BLOC1S3: variants seen among roughly 807,000 people sequenced by gnomAD.
BLOC1S3 encodes the protein biogenesis of lysosome-related organelles complex 1 subunit 3.
Under a neutral mutation model 9.1 loss-of-function variants are expected in BLOC1S3, and 7 were observed. The observed-to-expected ratio is 0.77, with a 90% confidence interval of 0.44 to 1.45. The LOEUF (loss-of-function observed/expected upper bound fraction) is 1.45, where lower values mean the gene tolerates loss of function less well. Ranked by LOEUF, BLOC1S3 falls within the 40% of genes most tolerant of loss-of-function variation. The pLI is 0.01. For synonymous variants in BLOC1S3, 145 were observed against 158.4 expected, an observed-to-expected ratio of 0.92 and a Z score of 0.64; for missense variants, 307 against 315.2, an observed-to-expected ratio of 0.97 and a Z score of 0.20.
intron 3 of BLOC1S3, among the ~76,000 whole-genome samples, chr19:45,208,409 C>G (rs1969743790): frequency 6.6e-6 from 1 of 151,928 alleles, no homozygotes; most frequent in Admixed American, 6.6e-5. Context: ...GACTTTGAGA[C>G]CAGCCTAGCC....
At chr19:45,216,032 G>A (rs375381519) in intron 3 of BLOC1S3, 17 of 1,607,558 alleles carry the variant, frequency 1.1e-5, no homozygotes, top group East Asian at 4.5e-5. Flanking sequence ...AGGAGACCTC[G>A]GCCAGGCACG....
chr19:45,215,955 G>A (rs766683425), intron 3 of BLOC1S3: 8 of 1,431,820 alleles, frequency 5.6e-6, no homozygotes, highest in East Asian at 2.4e-5. Flanking sequence ...GGAAACGGCC[G>A]TCAGACACGC....
At chr19:45,198,345 G>A (rs1057067722) in intron 2 of BLOC1S3, among the ~76,000 whole-genome samples, 1 of 152,206 alleles carries the variant, frequency 6.6e-6, no homozygotes, top group African/African-American at 2.4e-5. Flanking sequence ...GCTCTGGAGT[G>A]CAGTGGTGCG....
chr19:45,192,694 T>C (rs1969615199), intron 2 of BLOC1S3, among the ~76,000 whole-genome samples: 1 of 152,186 alleles, frequency 6.6e-6, no homozygotes, highest in African/African-American at 2.4e-5. Context: ...CTGGCCCAGA[T>C]GTTTCTAGAA....
At chr19:45,211,868 A>T (rs916635408) in intron 3 of BLOC1S3, among the ~76,000 whole-genome samples, 14 of 151,808 alleles carry the variant, frequency 9.2e-5, no homozygotes, top group African/African-American at 3.1e-4. Context: ...CGGGCTGTCC[A>T]GCCCAGGCCG....
intron 3 of BLOC1S3, among the ~76,000 whole-genome samples, chr19:45,203,815 C>T (rs1969708516): frequency 6.6e-6 from 1 of 152,138 alleles, no homozygotes; most frequent in East Asian, 1.9e-4. Flanking sequence ...CAGATTCTCT[C>T]TCCTTGCCAT....
chr19:45,199,715 GTTCTC>G (rs1330259725), intron 2 of BLOC1S3, among the ~76,000 whole-genome samples: 2 of 150,030 alleles, frequency 1.3e-5, no homozygotes, highest in Admixed American at 6.7e-5. Flanking sequence ...CTTCTCTTCT[GTTCTC>G]TTCTCTTCTT....
intron 3 of BLOC1S3, among the ~76,000 whole-genome samples, chr19:45,210,289 CTTTTTTTTTTTTT>C (rs71173125): frequency 9.4e-5 from 7 of 74,422 alleles, no homozygotes; most frequent in Non-Finnish European, 1.8e-4. Context: ...ACTATTTTAA[CTTTTTTTTTTTTT>C]TTTTTTTTTT....
chr19:45,216,299 G>T, intron 3 of BLOC1S3: 1 of 1,450,098 alleles, frequency 6.9e-7, no homozygotes, highest in Non-Finnish European at 9.2e-7. Flanking sequence ...GCAGAAACCA[G>T]GGGTGGTGGC....
chr19:45,183,623 CTTTTT>C (rs57651816), downstream of BLOC1S3, among the ~76,000 whole-genome samples: 11 of 105,110 alleles, frequency 1.0e-4, no homozygotes, highest in South Asian at 3.2e-4. Context: ...CTTTTCTTTT[CTTTTT>C]TTTTTTTTTT....
intron 3 of BLOC1S3, among the ~76,000 whole-genome samples, chr19:45,204,668 C>T (rs1410509136): frequency 6.6e-6 from 1 of 152,168 alleles, no homozygotes; most frequent in Non-Finnish European, 1.5e-5. Context: ...ATCTCTCTCT[C>T]CATGCTGCCT....
intron 2 of BLOC1S3, among the ~76,000 whole-genome samples, chr19:45,199,337 G>A (rs149837829): frequency 1.1e-5 from 1 of 92,876 alleles, no homozygotes; most frequent in South Asian, 3.8e-4. Context: ...TTTTTTTTGA[G>A]ATGGAGTCTT....
At chr19:45,203,114 T>C (rs1969703299) in intron 3 of BLOC1S3, among the ~76,000 whole-genome samples, 1 of 151,834 alleles carries the variant, frequency 6.6e-6, no homozygotes, top group South Asian at 2.1e-4. Context: ...TGCCTGGGGT[T>C]TGGGGCTCGG....
In BLOC1S3 at chr19:45,179,229, C is replaced by T; in HGVS notation, c.-9-59C>T. 7.0e-7 allele frequency: 1 copy of T among 1,433,768 alleles called. No homozygotes were observed. The highest frequency in any genetic ancestry group is 1.4e-5 in the South Asian group (1 of 71,080). The allele number at this position is 1,433,768 out of a possible 1,614,324, so 88.8% of individuals were successfully genotyped here. The stretch of plus-strand genomic sequence containing the variant: ...GAAGGGGCTGGGAATCCAGGACCTG[C>T]GCCTTTTACCCACCGCGGCGCCGGT... On this transcript the variant is annotated intron_variant, in intron 1 of 1. Coordinates refer to ENST00000433642, the MANE Select transcript of BLOC1S3 (RefSeq NM_212550.5). This position sits in a 1 kb window ranked among gnomAD's most constrained non-coding sequence, Gnocchi z 4.6.
intron 3 of BLOC1S3, among the ~76,000 whole-genome samples, chr19:45,211,653 C>A (rs1353978914): frequency 6.7e-6 from 1 of 148,464 alleles, no homozygotes; most frequent in East Asian, 1.9e-4. Flanking sequence ...CAGAGAGGGG[C>A]AGCTTCCTGC....
chr19:45,198,897 G>A (rs1400648807), intron 2 of BLOC1S3: 1 of 151,716 alleles, frequency 6.6e-6, no homozygotes, highest in African/African-American at 2.4e-5. Flanking sequence ...AGTCGAGACG[G>A]GATTTCACCA....
At chr19:45,209,257 C>T (rs984556201) in intron 3 of BLOC1S3, among the ~76,000 whole-genome samples, 4 of 151,892 alleles carry the variant, frequency 2.6e-5, no homozygotes, top group Non-Finnish European at 5.9e-5. Context: ...CCATGTTGGC[C>T]AGGCTGGTCT....
upstream of BLOC1S3, among the ~76,000 whole-genome samples, chr19:45,186,947 G>A (rs769280356): frequency 2.0e-5 from 3 of 152,216 alleles, no homozygotes; most frequent in Non-Finnish European, 4.4e-5. Context: ...TATGGGCAGT[G>A]CCTATAGCAA....
downstream of BLOC1S3, among the ~76,000 whole-genome samples, chr19:45,182,390 AG>A (rs1969531778): frequency 6.6e-6 from 1 of 151,732 alleles, no homozygotes; most frequent in African/African-American, 2.4e-5. Flanking sequence ...TAAATAGGCC[AG>A]GCGCAGTTAC....
Sources: gnomAD v4.1 joint callset for allele counts (sites outside exome capture counted in the v4.1 genomes callset) on GRCh38, gnomAD v4.1.1 for gene constraint, Gnocchi (gnomAD v3.1) non-coding constraint, MANE v1.5 for transcripts, NCBI Gene and HGNC (gene_info 2026-07-23, HGNC 2026-07-21) for gene names.